Variants in ZBTB7C observed in about 807,000 individuals in gnomAD.
ZBTB7C encodes zinc finger and BTB domain-containing protein 7C.
In ZBTB7C, 8 loss-of-function variants were observed where a neutral mutation model predicts 25.7. That is an observed-to-expected ratio of 0.31 (90% CI 0.18 to 0.56). The LOEUF (loss-of-function observed/expected upper bound fraction) is 0.56, where lower values mean the gene tolerates loss of function less well. Among genes scored for constraint, ZBTB7C ranks in the 20% least tolerant of loss-of-function variants. The pLI is 0.91. For synonymous variants in ZBTB7C, 394 were observed against 369.0 expected (o/e 1.07, Z -0.78); for missense variants, 824 against 855.2 (o/e 0.96, Z 0.46).
chr18:48,162,843 G>A (rs1442165944), intron 3 of ZBTB7C, among the ~76,000 whole-genome samples: 1 of 152,228 alleles, frequency 6.6e-6, no homozygotes, highest in African/African-American at 2.4e-5. Flanking sequence ...GGATGGAGAG[G>A]ACAGGCTCAG....
chr18:48,257,190 T>G (rs958207566), intron 2 of ZBTB7C, among the ~76,000 whole-genome samples: 1 of 152,096 alleles, frequency 6.6e-6, no homozygotes, highest in Non-Finnish European at 1.5e-5. Flanking sequence ...AAAGCTAGAC[T>G]AGTTATATTA....
At chr18:48,292,580 A>G (rs2045263517) in intron 2 of ZBTB7C, among the ~76,000 whole-genome samples, 1 of 152,208 alleles carries the variant, frequency 6.6e-6, no homozygotes, top group Non-Finnish European at 1.5e-5. Context: ...GATGCTGTCT[A>G]TGCCTCATGC....
chr18:48,220,837 TCTCCCTTGCACA>T (rs1163786365), intron 2 of ZBTB7C, among the ~76,000 whole-genome samples: 2 of 152,028 alleles, frequency 1.3e-5, no homozygotes, highest in Non-Finnish European at 2.9e-5. Flanking sequence ...GTCAAGTCAC[TCTCCCTTGCACA>T]CTCCCTACTG....
chr18:48,108,174 G>A (rs1192633397), intron 3 of ZBTB7C, among the ~76,000 whole-genome samples: 1 of 152,182 alleles, frequency 6.6e-6, no homozygotes, highest in Non-Finnish European at 1.5e-5. Context: ...GGAGGAAACT[G>A]AGACTCATGG....
At chr18:48,374,493 G>C (rs932657097) in intron 1 of ZBTB7C, among the ~76,000 whole-genome samples, 14 of 152,132 alleles carry the variant, frequency 9.2e-5, no homozygotes, top group African/African-American at 3.4e-4. Flanking sequence ...CTCATCTCTG[G>C]GGTCCCTCCC....
intron 3 of ZBTB7C, among the ~76,000 whole-genome samples, chr18:48,117,116 C>A (rs1013900214): frequency 2.0e-5 from 3 of 152,148 alleles, no homozygotes; most frequent in African/African-American, 4.8e-5. Context: ...AAGGACCCAA[C>A]AACCAAAGAA....
chr18:48,270,583 G>C (rs1201427526), intron 2 of ZBTB7C, among the ~76,000 whole-genome samples: 1 of 150,902 alleles, frequency 6.6e-6, no homozygotes, highest in Non-Finnish European at 1.5e-5. Flanking sequence ...CCAGCTACTT[G>C]GGAGGCTGAG....
intron 2 of ZBTB7C, among the ~76,000 whole-genome samples, chr18:48,289,438 G>T (rs547106282): frequency 6.6e-6 from 1 of 151,894 alleles, no homozygotes; most frequent in Admixed American, 6.6e-5. Flanking sequence ...TATATGTACT[G>T]ACATGGAAAG....
At chr18:48,287,033 G>C (rs755822426) in intron 2 of ZBTB7C, among the ~76,000 whole-genome samples, 1 of 152,008 alleles carries the variant, frequency 6.6e-6, no homozygotes, top group Non-Finnish European at 1.5e-5. Flanking sequence ...AAAAAAAACT[G>C]ACCAGAAGAT....
chr18:48,314,548 T>TG (rs2045903240), intron 2 of ZBTB7C, among the ~76,000 whole-genome samples: 1 of 151,968 alleles, frequency 6.6e-6, no homozygotes, highest in Non-Finnish European at 1.5e-5. Flanking sequence ...GACAAAAGGG[T>TG]GGGGTCACTG....
chr18:48,349,230 T>A (rs1450387605), intron 1 of ZBTB7C, among the ~76,000 whole-genome samples: 3 of 152,152 alleles, frequency 2.0e-5, no homozygotes, highest in African/African-American at 7.2e-5. Flanking sequence ...GGAAAACATT[T>A]TTCCCCTCAG....
intron 2 of ZBTB7C, among the ~76,000 whole-genome samples, chr18:48,279,158 C>A (rs568973689): frequency 6.6e-6 from 1 of 152,176 alleles, no homozygotes; most frequent in African/African-American, 2.4e-5. Flanking sequence ...CCCCCCGGCA[C>A]CCCCACTCCT....
intron 3 of ZBTB7C, among the ~76,000 whole-genome samples, chr18:48,107,918 C>T (rs2039091513): frequency 6.6e-6 from 1 of 152,170 alleles, no homozygotes; most frequent in Admixed American, 6.5e-5. Flanking sequence ...TCCTTCCTTG[C>T]TCTCAAAAGA....
At chr18:48,239,718 C>T (rs527658809) in intron 2 of ZBTB7C, among the ~76,000 whole-genome samples, 122 of 152,256 alleles carry the variant, frequency 8.0e-4, no homozygotes, top group African/African-American at 2.9e-3. Context: ...TGAACAGTAG[C>T]CCTTGAGCCC....
intron 2 of ZBTB7C, among the ~76,000 whole-genome samples, chr18:48,220,191 A>C (rs868378544): frequency 6.6e-6 from 1 of 152,194 alleles, no homozygotes; most frequent in African/African-American, 2.4e-5. Context: ...GGCAGAGCAC[A>C]GTTCAGTTCA....
At position 48,241,673 on chromosome 18, in the gene ZBTB7C, A is replaced by C. The variant is rs567181035; in HGVS notation, c.-78-55678T>G. ...TTGAACTGAACAATAATAGTGACAC[A>C]ACCTATCAAAACCTCTGAGATACAG... On this transcript the variant is annotated intron_variant, in intron 2 of 4. Transcript: ENST00000590800. Among the ~76,000 whole-genome samples the C allele has an allele frequency of 9.2e-5, 14 of 152,344 alleles. 1 individual carries two copies. The highest frequency in any genetic ancestry group is 3.1e-4 in the African/African-American group (13 of 41,592).
chr18:48,384,974 G>A (rs936754924), intron 1 of ZBTB7C, among the ~76,000 whole-genome samples: 1 of 152,164 alleles, frequency 6.6e-6, no homozygotes, highest in African/African-American at 2.4e-5. Context: ...GAGCCACCAC[G>A]CCCAGCCAGT....
intron 1 of ZBTB7C, among the ~76,000 whole-genome samples, chr18:48,384,634 A>T (rs933431746): frequency 1.3e-5 from 2 of 149,362 alleles, no homozygotes; most frequent in African/African-American, 4.9e-5. Flanking sequence ...TATTTTTGCA[A>T]TTTTTTTTTT....
At chr18:48,086,517 C>T (rs1358387878) in intron 3 of ZBTB7C, among the ~76,000 whole-genome samples, 1 of 152,192 alleles carries the variant, frequency 6.6e-6, no homozygotes, top group Non-Finnish European at 1.5e-5. Context: ...CTCACACAAG[C>T]CTCTCTGTTG....
Sources: allele counts gnomAD v4.1 joint callset (sites outside exome capture counted in the v4.1 genomes callset), GRCh38; gene constraint gnomAD v4.1.1; transcripts MANE v1.5; gene names NCBI Gene and HGNC (gene_info 2026-07-23, HGNC 2026-07-21).